The following RBFOX1 variants were observed in gnomAD, a reference collection of about 807,000 sequenced individuals.
RBFOX1 encodes the protein RNA binding protein fox-1 homolog 1.
In RBFOX1, 8 loss-of-function variants were observed where a neutral mutation model predicts 57.7. The observed-to-expected ratio is 0.14, with a 90% CI of 0.08 to 0.25. The LOEUF (loss-of-function observed/expected upper bound fraction) is 0.25. RBFOX1 is among the 10% of genes least tolerant of loss of function. RBFOX1 has a pLI of 1.00. For synonymous variants in RBFOX1, 326 were observed against 222.4 expected, an observed-to-expected ratio of 1.47 and a Z score of -4.15; for missense variants, 611 against 548.5, an observed-to-expected ratio of 1.11 and a Z score of -1.14.
chr16:5,539,716 C>A (rs1335380949), intron 2 of RBFOX1, among the ~76,000 whole-genome samples: 1 of 152,190 alleles, frequency 6.6e-6, no homozygotes, highest in Non-Finnish European at 1.5e-5. Context: ...CGTTTTTCAT[C>A]TCCCTCCCCC....
In RBFOX1 at chr16:7,232,831, A is replaced by G. The variant is rs114263384; in HGVS notation, c.27+180733A>G. Among the ~76,000 whole-genome samples the G allele has an allele frequency of 6.4e-3, 942 of 147,892 alleles. 16 individuals carry two copies. The highest frequency in any genetic ancestry group is 0.022 in the African/African-American group (879 of 39,454). On this transcript the variant is annotated intron_variant, in intron 4 of 15. Transcript: ENST00000550418. Reference sequence around the variant, plus strand: ...TCATTACACTCCAGCCTGGACAACAAGAGTGAAACTTCATCTCTTAATTAA... The same window carrying G: ...TCATTACACTCCAGCCTGGACAACAGGAGTGAAACTTCATCTCTTAATTAA...
chr16:7,184,921 G>C (rs571158804), intron 4 of RBFOX1, among the ~76,000 whole-genome samples: 3 of 152,120 alleles, frequency 2.0e-5, no homozygotes, highest in East Asian at 3.9e-4. Context: ...TGCTTACTTG[G>C]TGCCCAAAGT....
intron 3 of RBFOX1, among the ~76,000 whole-genome samples, chr16:6,963,290 T>A (rs1257149473): frequency 6.6e-6 from 1 of 152,182 alleles, no homozygotes; most frequent in Non-Finnish European, 1.5e-5. Flanking sequence ...ACAGTGACTT[T>A]TTTTTTTGTT....
intron 5 of RBFOX1, among the ~76,000 whole-genome samples, chr16:7,572,516 T>C (rs531986781): frequency 2.0e-5 from 3 of 152,222 alleles, no homozygotes; most frequent in African/African-American, 7.2e-5. Context: ...TGTTGAACAT[T>C]CTGCAGTGCA....
At chr16:7,044,886 T>C (rs1049616614) in intron 3 of RBFOX1, among the ~76,000 whole-genome samples, 7 of 152,096 alleles carry the variant, frequency 4.6e-5, no homozygotes, top group African/African-American at 7.2e-5. Flanking sequence ...TCTCCCATAA[T>C]GGTTATGGAG....
At chr16:5,296,890 G>C (rs755403091) in intron 1 of RBFOX1, among the ~76,000 whole-genome samples, 21 of 152,006 alleles carry the variant, frequency 1.4e-4, no homozygotes, top group Non-Finnish European at 1.3e-4. Flanking sequence ...TGTTGGTCAG[G>C]CTGGTCTCGA....
chr16:5,600,755 T>G (rs1190325497), downstream of RBFOX1, among the ~76,000 whole-genome samples: 1 of 152,018 alleles, frequency 6.6e-6, no homozygotes, highest in East Asian at 1.9e-4. Context: ...TGTTTACCTG[T>G]GATGCCAAGA....
intron 3 of RBFOX1, among the ~76,000 whole-genome samples, chr16:6,733,200 C>T (rs536410665): frequency 6.6e-6 from 1 of 152,296 alleles, no homozygotes; most frequent in African/African-American, 2.4e-5. Context: ...AGTGCTTCTT[C>T]ACTATTTATT....
chr16:5,440,816 A>G (rs977070811), intron 1 of RBFOX1, among the ~76,000 whole-genome samples: 1 of 152,160 alleles, frequency 6.6e-6, no homozygotes, highest in Non-Finnish European at 1.5e-5. Flanking sequence ...ATGAGCTGGG[A>G]GGGATTCCCA....
chr16:6,462,840 C>T (rs1208501831), intron 2 of RBFOX1, among the ~76,000 whole-genome samples: 1 of 152,030 alleles, frequency 6.6e-6, no homozygotes, highest in Non-Finnish European at 1.5e-5. Context: ...TTTTCATGTT[C>T]TTGACGACTA....
intron 4 of RBFOX1, among the ~76,000 whole-genome samples, chr16:7,346,947 G>A (rs1055815239): frequency 2.0e-5 from 3 of 152,168 alleles, no homozygotes; most frequent in Admixed American, 2.0e-4. Context: ...GTGTTTTGAG[G>A]TGTAGTGCAT....
At chr16:7,421,487 A>G (rs186738857) in intron 4 of RBFOX1, among the ~76,000 whole-genome samples, 33 of 152,370 alleles carry the variant, frequency 2.2e-4, no homozygotes, top group Admixed American at 1.4e-3. Flanking sequence ...AGCTTTGGCA[A>G]TAGTGACATT....
At chr16:5,666,799 A>T (rs941154918) in intron 3 of RBFOX1, among the ~76,000 whole-genome samples, 1 of 152,234 alleles carries the variant, frequency 6.6e-6, no homozygotes, top group African/African-American at 2.4e-5. Flanking sequence ...ACATCAGGGT[A>T]GTAGAGATGT....
chr16:6,842,042 C>G (rs1432921335), intron 3 of RBFOX1, among the ~76,000 whole-genome samples: 11 of 151,734 alleles, frequency 7.2e-5, no homozygotes, highest in African/African-American at 1.9e-4. Flanking sequence ...ACACGGGAGG[C>G]TGAGGGAGGA....
chr16:6,921,061 C>A (rs889289554), intron 3 of RBFOX1, among the ~76,000 whole-genome samples: 3 of 152,126 alleles, frequency 2.0e-5, no homozygotes, highest in Non-Finnish European at 4.4e-5. Context: ...TGGGGCTCAG[C>A]AGGTGTTGGT....
At chr16:6,104,615 C>T (rs1379218342) in intron 1 of RBFOX1, among the ~76,000 whole-genome samples, 1 of 152,164 alleles carries the variant, frequency 6.6e-6, no homozygotes, top group Non-Finnish European at 1.5e-5. Context: ...CTATCGTGTT[C>T]CTAGCAGCAT....
At chr16:6,319,122 C>G (rs1000366444) in intron 2 of RBFOX1, among the ~76,000 whole-genome samples, 2 of 151,982 alleles carry the variant, frequency 1.3e-5, no homozygotes, top group African/African-American at 2.4e-5. Flanking sequence ...AGAAATTGCT[C>G]CAGTCTCTTA....
At chr16:6,721,301 G>A (rs2065944710) in intron 3 of RBFOX1, among the ~76,000 whole-genome samples, 1 of 152,052 alleles carries the variant, frequency 6.6e-6, no homozygotes, top group Non-Finnish European at 1.5e-5. Context: ...AAATTAGCTG[G>A]GCATGGTGGC....
chr16:6,642,647 G>A (rs993713247), intron 2 of RBFOX1, among the ~76,000 whole-genome samples: 4 of 126,776 alleles, frequency 3.2e-5, no homozygotes, highest in African/African-American at 1.0e-4. Context: ...AGGTAGGGAT[G>A]CCAAAGAAAG....
Sources: allele counts gnomAD v4.1 joint callset (sites outside exome capture counted in the v4.1 genomes callset), GRCh38; gene constraint gnomAD v4.1.1; transcripts MANE v1.5; gene names NCBI Gene and HGNC (gene_info 2026-07-23, HGNC 2026-07-21).